Variants in VDR observed in about 807,000 individuals in gnomAD.
VDR encodes the protein vitamin D3 receptor.
In VDR, 19 loss-of-function variants were observed where a neutral mutation model predicts 39.7. The ratio of observed to expected loss-of-function variants is 0.48; its 90% CI spans 0.33 to 0.70. VDR has a LOEUF of 0.70. Among genes scored for constraint, VDR ranks in the 30% least tolerant of loss-of-function variants. The pLI is 0.02. For synonymous variants in VDR, 242 were observed against 215.8 expected (o/e 1.12, Z -1.07); for missense variants, 442 against 570.5 (o/e 0.77, Z 2.29).
chr12:47,884,242 G>A (rs1192865225), intron 1 of VDR, among the ~76,000 whole-genome samples: 1 of 152,118 alleles, frequency 6.6e-6, no homozygotes, highest in African/African-American at 2.4e-5. Context: ...CAACCACCCT[G>A]GAACTTAAAA....
At chr12:47,853,211 G>T (rs1478504756) in intron 7 of VDR, among the ~76,000 whole-genome samples, 1 of 152,142 alleles carries the variant, frequency 6.6e-6, no homozygotes, top group African/African-American at 2.4e-5. Context: ...GGGAGGCCGA[G>T]ACAGGCGGAT....
At chr12:47,857,742 C>A in intron 4 of VDR, 54 bp from the exon 5 acceptor site, 3 of 1,596,712 alleles carry the variant, frequency 1.9e-6, no homozygotes, top group South Asian at 2.2e-5. Flanking sequence ...CTCCAGGAAA[C>A]CTTCCTCCTG....
At chr12:47,904,556 T>C in intron 1 of VDR, 1 of 1,532,504 alleles carries the variant, frequency 6.5e-7, no homozygotes, top group Non-Finnish European at 8.7e-7. Context: ...ATAAATAAGG[T>C]TACACACCCT....
chr12:47,897,538 G>T lies in VDR; in HGVS notation c.-84+7417C>A, dbSNP rs145917674. Among the ~76,000 whole-genome samples the T allele has an allele frequency of 8.4e-3, 1,276 of 152,308 alleles. 11 individuals carry two copies. Among genetic ancestry groups the T allele is most frequent in the African/African-American group, 0.029 (1,207 of 41,548 alleles). On this transcript the variant is annotated intron_variant, in intron 1 of 9. Coordinates refer to ENST00000549336, the MANE Select transcript of VDR (RefSeq NM_000376.3). ...CTGAGGTGGCCCATGCAACTGTCCA[G>T]CCAGCCACATTCCTTTGTCCCATGG...
At chr12:47,888,978 CACTGCACATTGTGTACCCATATTG>C (rs1454640902) in intron 1 of VDR, among the ~76,000 whole-genome samples, 8 of 152,142 alleles carry the variant, frequency 5.3e-5, no homozygotes, top group African/African-American at 1.7e-4. Flanking sequence ...CTGATTTGAT[CACTGCACATTGTGTACCCATATTG>C]AAATATCACT....
intron 1 of VDR, among the ~76,000 whole-genome samples, chr12:47,901,716 G>A (rs1476256746): frequency 6.6e-6 from 1 of 152,242 alleles, no homozygotes; most frequent in East Asian, 1.9e-4. Context: ...GGAGGCTGTA[G>A]ATATGGAGGA....
chr12:47,894,764 T>C (rs1946435851), intron 1 of VDR, among the ~76,000 whole-genome samples: 1 of 152,152 alleles, frequency 6.6e-6, no homozygotes, highest in African/African-American at 2.4e-5. Flanking sequence ...GGCCACTAAC[T>C]GGGGTCACTA....
In VDR at chr12:47,855,752, A is replaced by G. The variant is rs1039857822; in HGVS notation, c.633T>C (p.Asp211=). The G allele has an allele frequency of 1.1e-5, 18 of 1,614,080 alleles. 1 individual carries two copies. The highest frequency in any genetic ancestry group is 1.0e-4 in the Admixed American group (6 of 60,012). The change falls in exon 7 of 10, where the codon GAT becomes GAC. Residue 211 remains aspartate, a synonymous_variant. Coordinates refer to ENST00000549336, the MANE Select transcript of VDR (RefSeq NM_000376.3). ...SFSNLDLSEE[D]SDDPSVTLEL... Reference sequence around the variant, plus strand: ...CTAGGGTCACAGAAGGGTCATCTGAATCTTCTTCACTCAGATCCAGATTGG... The same window carrying G: ...CTAGGGTCACAGAAGGGTCATCTGAGTCTTCTTCACTCAGATCCAGATTGG...
rs11574136 is a variant in VDR at position 47,842,520 on chromosome 12, G to C, written c.*2226C>G. On this transcript the variant is annotated 3_prime_UTR_variant, in exon 10 of 10. Coordinates refer to ENST00000549336, the MANE Select transcript of VDR (RefSeq NM_000376.3). ...CTTGTTGTCCAGGTTGGAGAGTAAC[G>C]GCACGATCTCAGCTCACTGCAACCT... is the stretch of plus-strand genomic sequence containing the variant. 2.6e-5 allele frequency: 4 copies of C among 152,150 alleles called. No individual in the cohort carries two copies. Among genetic ancestry groups the C allele is most frequent in the African/African-American group, 9.7e-5 (4 of 41,374 alleles). The allele number at this position is 152,150 out of a possible 1,614,324, so 9.4% of individuals were successfully genotyped here.
chr12:47,893,194 A>C (rs1178536358), intron 1 of VDR, among the ~76,000 whole-genome samples: 3 of 152,172 alleles, frequency 2.0e-5, no homozygotes, highest in Admixed American at 2.0e-4. Flanking sequence ...GAAACTGAAG[A>C]GTTTCAGACC....
Position 47,879,159 on chromosome 12 carries a change from G to A in VDR, c.-2-44C>T, listed in dbSNP as rs770238728. The A allele has an allele frequency of 3.8e-6, 6 of 1,597,952 alleles. No homozygotes were observed. The South Asian group carries it at 4.5e-5, about 12-fold the overall frequency. ...GGCCACGGTCAGAGCCAGAGTCAGT[G>A]CCAGGGCCAGCTGGCATCCTTGGTG... On this transcript the variant is annotated intron_variant, in intron 2 of 9. Transcript: ENST00000549336.
chr12:47,901,580 G>A (rs1241771510), intron 1 of VDR: 2 of 155,188 alleles, frequency 1.3e-5, no homozygotes, highest in East Asian at 1.9e-4. Flanking sequence ...GGTGACCTAT[G>A]TCCTTTATCA....
intron 3 of VDR, among the ~76,000 whole-genome samples, chr12:47,868,493 G>A (rs771826712): frequency 8.5e-5 from 13 of 152,170 alleles, no homozygotes; most frequent in South Asian, 4.1e-4. Flanking sequence ...GCCTTTTGCC[G>A]TTCACCTCTA....
chr12:47,845,046 A>G (rs751432886), intron 9 of VDR, 41 bp from the exon 10 acceptor site: 1 of 1,603,952 alleles, frequency 6.2e-7, no homozygotes, highest in South Asian at 1.1e-5. Flanking sequence ...AGGAGCTCTC[A>G]GCTGGGCCCC....
chr12:47,869,264 C>T (rs545387177), intron 3 of VDR, among the ~76,000 whole-genome samples: 38 of 152,274 alleles, frequency 2.5e-4, no homozygotes, highest in South Asian at 1.0e-3. Flanking sequence ...AGGCCGGGCG[C>T]GGTGGCTCAC....
intron 4 of VDR, 102 bp from the exon 5 acceptor site, chr12:47,857,790 A>G (rs1248440031): frequency 1.5e-6 from 2 of 1,328,428 alleles, no homozygotes; most frequent in Non-Finnish European, 2.1e-6. Flanking sequence ...AGGGGCTTTA[A>G]CACTCGGGGC....
At chr12:47,855,372 T>TAAATAAATAAATA (rs1945463126) in intron 7 of VDR, among the ~76,000 whole-genome samples, 1 of 130,304 alleles carries the variant, frequency 7.7e-6, no homozygotes, top group African/African-American at 3.2e-5. Flanking sequence ...ATAAATAAAT[T>TAAATAAATAAATA]AGCCGGGCGT....
intron 1 of VDR, among the ~76,000 whole-genome samples, chr12:47,902,074 A>G (rs772141045): frequency 1.3e-5 from 2 of 152,180 alleles, no homozygotes; most frequent in Non-Finnish European, 2.9e-5. Context: ...TCATCCCCTC[A>G]TCACTGCTGT....
At chr12:47,872,511 GT>G (rs887333715) in intron 3 of VDR, among the ~76,000 whole-genome samples, 2 of 152,212 alleles carry the variant, frequency 1.3e-5, no homozygotes, top group Non-Finnish European at 2.9e-5. Flanking sequence ...AGGCAGCAGA[GT>G]TTGAAACCAT....
Sources: allele counts gnomAD v4.1 joint callset (sites outside exome capture counted in the v4.1 genomes callset), GRCh38; gene constraint gnomAD v4.1.1; transcripts MANE v1.5; gene names NCBI Gene and HGNC (gene_info 2026-07-23, HGNC 2026-07-21).